TENM3: variants seen among roughly 807,000 people sequenced by gnomAD.
The protein encoded by TENM3 is teneurin-3.
Under a neutral mutation model 255.1 loss-of-function variants are expected in TENM3, and 63 were observed. The ratio of observed to expected loss-of-function variants is 0.25; its 90% CI spans 0.20 to 0.30. The LOEUF (loss-of-function observed/expected upper bound fraction) is 0.30. Ranked by LOEUF, TENM3 falls within the 10% of genes least tolerant of loss-of-function variation. TENM3 has a pLI of 1.00. For synonymous variants in TENM3, 1,306 were observed against 1,322.3 expected (o/e 0.99, Z 0.27); for missense variants, 2,929 against 3,461.1 (o/e 0.85, Z 3.86).
chr4:182,061,237 G>C, the TENM3 span, among the ~76,000 whole-genome samples: 2 of 152,160 alleles, frequency 1.3e-5, no homozygotes, highest in African/African-American at 4.8e-5. Flanking sequence ...TGGCGAGGAA[G>C]TGGGCTCCCA....
intron 22 of TENM3, among the ~76,000 whole-genome samples, chr4:182,771,218 G>A (rs1220960875): frequency 1.3e-5 from 2 of 152,180 alleles, no homozygotes; most frequent in African/African-American, 4.8e-5. Flanking sequence ...ACAGGAGAAA[G>A]GTGAAGTTTC....
rs944333405 is a variant in TENM3, at chr4:182,730,675, T to C, written c.2706-203T>C. On this transcript the variant is annotated intron_variant, in intron 15 of 27. Coordinates refer to ENST00000511685, the MANE Select transcript of TENM3 (RefSeq NM_001080477.4). ...GGAAAGCAAATTTGGAAAAAAAAAT[T>C]GGTGAACTTGGTGAATACACATAGG... Among the ~76,000 whole-genome samples the C allele has an allele frequency of 5.3e-5, 8 of 152,290 alleles. No individual in the cohort carries two copies. In the South Asian group the frequency reaches 1.4e-3, roughly 28 times the overall value.
chr4:182,434,214 T>C (rs72997383), intron 3 of TENM3, among the ~76,000 whole-genome samples: 166 of 152,132 alleles, frequency 1.1e-3, no homozygotes, highest in African/African-American at 3.8e-3. Flanking sequence ...TTACTTCTCA[T>C]TGAACATGGT....
intron 3 of TENM3, among the ~76,000 whole-genome samples, chr4:182,560,312 G>A (rs758198870): frequency 6.6e-6 from 1 of 152,114 alleles, no homozygotes; most frequent in Non-Finnish European, 1.5e-5. Flanking sequence ...ATAATAATGT[G>A]TGTTTTACAA....
chr4:181,674,712 G>A, the TENM3 span, among the ~76,000 whole-genome samples: 1 of 152,078 alleles, frequency 6.6e-6, no homozygotes, highest in Non-Finnish European at 1.5e-5. Context: ...GTTCTGAGTA[G>A]ACAGCACTAC....
the TENM3 span, among the ~76,000 whole-genome samples, chr4:181,750,048 A>T: frequency 6.6e-6 from 1 of 152,210 alleles, no homozygotes; most frequent in African/African-American, 2.4e-5. Context: ...CTCTTAACAG[A>T]GATGAGTTTG....
intron 3 of TENM3, among the ~76,000 whole-genome samples, chr4:182,422,215 T>A (rs1270689834): frequency 6.6e-6 from 1 of 152,202 alleles, no homozygotes; most frequent in Admixed American, 6.5e-5. Context: ...TTCACTGTTT[T>A]TTTTTAAAAG....
intron 3 of TENM3, among the ~76,000 whole-genome samples, chr4:182,529,153 A>G (rs1006750653): frequency 4.6e-5 from 7 of 152,214 alleles, no homozygotes; most frequent in African/African-American, 1.7e-4. Flanking sequence ...CAATATTTTC[A>G]TATAGAAAGG....
At chr4:182,698,447 T>G (rs1051458460) in intron 12 of TENM3, among the ~76,000 whole-genome samples, 7 of 152,168 alleles carry the variant, frequency 4.6e-5, no homozygotes, top group African/African-American at 1.7e-4. Flanking sequence ...CCATTAGAAT[T>G]ACAACTGCAA....
chr4:181,978,583 G>A, the TENM3 span, among the ~76,000 whole-genome samples: 1 of 150,680 alleles, frequency 6.6e-6, no homozygotes, highest in Non-Finnish European at 1.5e-5. Context: ...GGAGGTGGAG[G>A]TTGCAGTAAG....
At chr4:182,237,488 C>A (rs563812358) in intron 1 of TENM3, among the ~76,000 whole-genome samples, 3 of 151,980 alleles carry the variant, frequency 2.0e-5, no homozygotes, top group African/African-American at 7.2e-5. Flanking sequence ...GCTTCAGCCT[C>A]CCATGTAGCT....
chr4:181,520,578 A>C, the TENM3 span, among the ~76,000 whole-genome samples: 1 of 152,208 alleles, frequency 6.6e-6, no homozygotes, highest in African/African-American at 2.4e-5. Flanking sequence ...TTTGTAAGGA[A>C]ATAACCACGA....
the TENM3 span, among the ~76,000 whole-genome samples, chr4:181,641,574 A>ATATG: frequency 1.3e-5 from 1 of 78,326 alleles, no homozygotes; most frequent in Non-Finnish European, 2.6e-5. Flanking sequence ...ATATATATAT[A>ATATG]TATATATATA....
chr4:182,451,438 A>G (rs1356116855), intron 3 of TENM3, among the ~76,000 whole-genome samples: 2 of 152,166 alleles, frequency 1.3e-5, no homozygotes, highest in Admixed American at 6.5e-5. Flanking sequence ...ATGTTCCTAC[A>G]TATTTTTACT....
chr4:182,615,066 TG>T (rs201755197), intron 4 of TENM3, among the ~76,000 whole-genome samples: 20 of 112,366 alleles, frequency 1.8e-4, no homozygotes, highest in Admixed American at 5.9e-4. Flanking sequence ...TATATATATA[TG>T]TATTTTTTTT....
the TENM3 span, among the ~76,000 whole-genome samples, chr4:181,924,406 T>C: frequency 1.3e-5 from 2 of 152,222 alleles, no homozygotes; most frequent in African/African-American, 2.4e-5. Context: ...GTTTACTAGC[T>C]TGTATGCAGG....
At chr4:181,575,868 T>G in the TENM3 span, among the ~76,000 whole-genome samples, 3 of 152,342 alleles carry the variant, frequency 2.0e-5, no homozygotes, top group East Asian at 5.8e-4. Context: ...AGACTGCATT[T>G]CCCAGCCTTC....
chr4:182,045,896 A>T, the TENM3 span, among the ~76,000 whole-genome samples: 1 of 152,036 alleles, frequency 6.6e-6, no homozygotes, highest in African/African-American at 2.4e-5. Context: ...AAAAAATTTA[A>T]AAGTAACCAG....
At chr4:181,485,404 AAAG>A in the TENM3 span, among the ~76,000 whole-genome samples, 5 of 152,150 alleles carry the variant, frequency 3.3e-5, no homozygotes, top group Non-Finnish European at 7.4e-5. Context: ...ATGCCAAAGG[AAAG>A]AAGATTCCTG....
Sources: allele counts gnomAD v4.1 joint callset (sites outside exome capture counted in the v4.1 genomes callset), GRCh38; gene constraint gnomAD v4.1.1; transcripts MANE v1.5; gene names NCBI Gene and HGNC (gene_info 2026-07-23, HGNC 2026-07-21).